LUZP2: variants seen among roughly 807,000 people sequenced by gnomAD.
LUZP2 encodes leucine zipper protein 2.
Under a neutral mutation model 51.6 loss-of-function variants are expected in LUZP2, and 52 were observed. That is an observed-to-expected ratio of 1.01 (90% CI 0.81 to 1.27). LUZP2 has a LOEUF of 1.27. Ranked by LOEUF, LUZP2 falls within the 50% of genes most tolerant of loss-of-function variation. The pLI, the probability that LUZP2 is intolerant of heterozygous loss-of-function variation, is 0.00. For synonymous variants in LUZP2, 154 were observed against 137.3 expected (o/e 1.12, Z -0.85); for missense variants, 436 against 395.4 (o/e 1.10, Z -0.87).
intron 1 of LUZP2, among the ~76,000 whole-genome samples, chr11:24,529,972 G>A (rs1361124817): frequency 6.6e-6 from 1 of 150,784 alleles, no homozygotes; most frequent in African/African-American, 2.4e-5. Flanking sequence ...TTTAAAGTTT[G>A]CCCTGAAAAG....
chr11:24,728,570 T>C (rs1460077435), intron 1 of LUZP2, among the ~76,000 whole-genome samples: 1 of 151,938 alleles, frequency 6.6e-6, no homozygotes, highest in African/African-American at 2.4e-5. Context: ...GATCTTGCCA[T>C]TTACTGACTA....
intron 1 of LUZP2, among the ~76,000 whole-genome samples, chr11:24,511,028 T>A (rs1000973143): frequency 6.6e-6 from 1 of 152,162 alleles, no homozygotes; most frequent in East Asian, 1.9e-4. Flanking sequence ...CATTTGCTAG[T>A]CTTAGTAGAG....
chr11:24,801,894 A>G (rs1849708126), intron 5 of LUZP2, among the ~76,000 whole-genome samples: 1 of 151,240 alleles, frequency 6.6e-6, no homozygotes, highest in South Asian at 2.1e-4. Context: ...TCATTTGCAA[A>G]TAGGTTTAAT....
At chr11:24,850,093 A>G (rs1851341879) in intron 5 of LUZP2, among the ~76,000 whole-genome samples, 1 of 152,084 alleles carries the variant, frequency 6.6e-6, no homozygotes, top group Non-Finnish European at 1.5e-5. Context: ...CTTCGATGAT[A>G]GTTTCTTTTG....
At chr11:24,675,329 A>G (rs1232973233) in intron 1 of LUZP2, among the ~76,000 whole-genome samples, 2 of 152,238 alleles carry the variant, frequency 1.3e-5, no homozygotes, top group Middle Eastern at 3.2e-3. Context: ...TTAAGGGAAC[A>G]GAAAAATCTC....
chr11:24,650,087 C>G (rs1301444131), intron 1 of LUZP2, among the ~76,000 whole-genome samples: 1 of 151,522 alleles, frequency 6.6e-6, no homozygotes, highest in Non-Finnish European at 1.5e-5. Flanking sequence ...TGAAACAATG[C>G]GAAATTCCAT....
intron 7 of LUZP2, among the ~76,000 whole-genome samples, chr11:24,949,413 T>C (rs574849776): frequency 6.6e-6 from 1 of 151,714 alleles, no homozygotes; most frequent in East Asian, 1.9e-4. Context: ...ATTTTTATTC[T>C]CTTCACTAAC....
At chr11:24,875,285 A>T (rs1317808502) in intron 5 of LUZP2, among the ~76,000 whole-genome samples, 5 of 146,394 alleles carry the variant, frequency 3.4e-5, no homozygotes, top group African/African-American at 1.3e-4. Flanking sequence ...CCAGAGTGTG[A>T]TGTTCCCCTT....
At chr11:24,998,245 C>T (rs1856568074) in intron 9 of LUZP2, among the ~76,000 whole-genome samples, 1 of 152,108 alleles carries the variant, frequency 6.6e-6, no homozygotes, top group African/African-American at 2.4e-5. Flanking sequence ...ATTCTTCCTA[C>T]CCATGAGCAT....
chr11:25,069,772 G>A (rs1310750857), intron 10 of LUZP2, among the ~76,000 whole-genome samples: 1 of 151,514 alleles, frequency 6.6e-6, no homozygotes, highest in Non-Finnish European at 1.5e-5. Context: ...TAAAACGTTA[G>A]TTCTTTATTT....
intron 1 of LUZP2, among the ~76,000 whole-genome samples, chr11:24,510,525 A>G (rs1181887324): frequency 6.6e-6 from 1 of 152,192 alleles, no homozygotes; most frequent in Non-Finnish European, 1.5e-5. Context: ...TCTCTCACAC[A>G]TAAGTTATGT....
intron 1 of LUZP2, among the ~76,000 whole-genome samples, chr11:24,693,143 T>C (rs1309687499): frequency 6.6e-6 from 1 of 151,926 alleles, no homozygotes. Context: ...TACAGTTTGA[T>C]TTTTCTTCCA....
intron 1 of LUZP2, among the ~76,000 whole-genome samples, chr11:24,659,600 C>A (rs1194470184): frequency 6.6e-6 from 1 of 151,688 alleles, no homozygotes; most frequent in Admixed American, 6.6e-5. Flanking sequence ...GGATTTAAAT[C>A]TTTTCATATT....
intron 1 of LUZP2, among the ~76,000 whole-genome samples, chr11:24,707,497 A>AGATAT (rs1291726105): frequency 1.3e-5 from 2 of 152,172 alleles, no homozygotes; most frequent in African/African-American, 4.8e-5. Flanking sequence ...TAGAACTCTT[A>AGATAT]GATATGATGA....
intron 1 of LUZP2, among the ~76,000 whole-genome samples, chr11:24,517,907 T>G (rs1418349572): frequency 6.6e-6 from 1 of 152,138 alleles, no homozygotes; most frequent in African/African-American, 2.4e-5. Flanking sequence ...GAGAAAACAA[T>G]TTTCCTCCCA....
At chr11:24,676,981 T>A (rs73434998) in intron 1 of LUZP2, among the ~76,000 whole-genome samples, 1 of 152,140 alleles carries the variant, frequency 6.6e-6, no homozygotes. Context: ...CTCTCATAGC[T>A]TTTACAGAAC....
intron 1 of LUZP2, among the ~76,000 whole-genome samples, chr11:24,508,036 A>G (rs1459910292): frequency 1.3e-5 from 2 of 151,832 alleles, no homozygotes; most frequent in Non-Finnish European, 2.9e-5. Context: ...ATATAATACC[A>G]TCAACCAGGT....
intron 9 of LUZP2, among the ~76,000 whole-genome samples, chr11:24,988,932 G>T (rs1856257539): frequency 6.6e-6 from 1 of 151,724 alleles, no homozygotes; most frequent in African/African-American, 2.4e-5. Context: ...ACACAACACA[G>T]AATTATATTT....
At chr11:24,950,979 C>A (rs1385942032) in intron 7 of LUZP2, among the ~76,000 whole-genome samples, 1 of 151,456 alleles carries the variant, frequency 6.6e-6, no homozygotes, top group Non-Finnish European at 1.5e-5. Context: ...GCAGAAACCC[C>A]CAATTTGTCT....
Sources: allele counts gnomAD v4.1 joint callset (sites outside exome capture counted in the v4.1 genomes callset), GRCh38; gene constraint gnomAD v4.1.1; transcripts MANE v1.5; gene names NCBI Gene and HGNC (gene_info 2026-07-23, HGNC 2026-07-21).